The following MARCHF1 variants were observed in gnomAD, a reference collection of about 807,000 sequenced individuals.
MARCHF1 encodes the protein E3 ubiquitin-protein ligase MARCHF1.
MARCHF1 carries 40 observed loss-of-function variants against 54.2 expected under a neutral mutation model. That is an observed-to-expected ratio of 0.74 (90% CI 0.57 to 0.96). The LOEUF (loss-of-function observed/expected upper bound fraction) is 0.96, where lower values mean the gene tolerates loss of function less well. MARCHF1 is among the 40% of genes least tolerant of loss of function. MARCHF1 has a pLI of 0.00. For synonymous variants in MARCHF1, 236 were observed against 236.3 expected, an observed-to-expected ratio of 1.00 and a Z score of 0.01; for missense variants, 586 against 656.5, an observed-to-expected ratio of 0.89 and a Z score of 1.17.
intron 4 of MARCHF1, among the ~76,000 whole-genome samples, chr4:163,805,467 T>C (rs1353104177): frequency 2.0e-5 from 3 of 151,896 alleles, no homozygotes; most frequent in Non-Finnish European, 2.9e-5. Context: ...AAAACCAAAA[T>C]GGTAGCAAAG....
intron 2 of MARCHF1, among the ~76,000 whole-genome samples, chr4:164,036,859 A>G (rs1230320253): frequency 6.6e-6 from 1 of 152,194 alleles, no homozygotes; most frequent in Non-Finnish European, 1.5e-5. Context: ...TTTGAAAAAA[A>G]TGGGTATTAT....
intron 2 of MARCHF1, among the ~76,000 whole-genome samples, chr4:164,035,660 TAG>T (rs1368309454): frequency 7.0e-6 from 1 of 142,718 alleles, no homozygotes; most frequent in Non-Finnish European, 1.6e-5. Flanking sequence ...GAAACAAAAA[TAG>T]AAACATTCAC....
intron 1 of MARCHF1, among the ~76,000 whole-genome samples, chr4:164,307,588 A>T (rs993895741): frequency 1.3e-5 from 2 of 152,218 alleles, no homozygotes; most frequent in African/African-American, 4.8e-5. Flanking sequence ...ATTCAATGCC[A>T]TTTCATTTTT....
intron 8 of MARCHF1, among the ~76,000 whole-genome samples, chr4:163,548,993 C>T (rs111856175): frequency 2.6e-5 from 4 of 152,334 alleles, no homozygotes; most frequent in African/African-American, 9.6e-5. Flanking sequence ...CCCTGTCCTG[C>T]TTTACCAAAT....
chr4:164,325,982 T>C (rs554301032), intron 1 of MARCHF1, among the ~76,000 whole-genome samples: 1 of 152,322 alleles, frequency 6.6e-6, no homozygotes, highest in African/African-American at 2.4e-5. Context: ...TTCACTATTG[T>C]ACATTTTTAT....
intron 1 of MARCHF1, among the ~76,000 whole-genome samples, chr4:164,126,624 A>G (rs902849641): frequency 6.6e-6 from 1 of 152,188 alleles, no homozygotes; most frequent in African/African-American, 2.4e-5. Context: ...CTCTGAATAG[A>G]TTAAGGGTGA....
intron 1 of MARCHF1, among the ~76,000 whole-genome samples, chr4:164,168,985 G>T (rs898620166): frequency 2.0e-5 from 3 of 152,056 alleles, no homozygotes; most frequent in African/African-American, 7.2e-5. Flanking sequence ...AAAAGTAGCA[G>T]CTATGTAGGA....
chr4:163,764,920 T>C (rs1349459750), intron 4 of MARCHF1, among the ~76,000 whole-genome samples: 3 of 152,122 alleles, frequency 2.0e-5, no homozygotes, highest in Non-Finnish European at 4.4e-5. Context: ...TCAGAATTCA[T>C]ATGATATAAA....
chr4:164,063,816 C>CT lies in MARCHF1; in HGVS notation c.-248+47771dup, dbSNP rs796880155. ...TTTTCAAAACATGTAGAATAACTGT[C>CT]TTTTTTTTTTAAGTTTCTGTATGTG... On this transcript the variant is annotated intron_variant, in intron 2 of 9. Transcript: ENST00000514618. Among the ~76,000 whole-genome samples, 510 of 149,526 alleles carry CT rather than the reference C, an allele frequency of 3.4e-3. 3 individuals are homozygous for CT. The highest frequency in any genetic ancestry group is 0.011 in the African/African-American group (445 of 40,850).
At chr4:163,828,279 A>T (rs1305490409) in intron 4 of MARCHF1, among the ~76,000 whole-genome samples, 3 of 152,170 alleles carry the variant, frequency 2.0e-5, no homozygotes, top group Non-Finnish European at 2.9e-5. Flanking sequence ...CAACCTATAG[A>T]TGTGTGAAAT....
At chr4:164,280,199 T>G (rs1280483736) in intron 1 of MARCHF1, among the ~76,000 whole-genome samples, 1 of 151,852 alleles carries the variant, frequency 6.6e-6, no homozygotes, top group Non-Finnish European at 1.5e-5. Context: ...ATTGTCAACT[T>G]TAATTTATTA....
chr4:163,946,386 T>A (rs1230821521), intron 3 of MARCHF1, among the ~76,000 whole-genome samples: 2 of 152,116 alleles, frequency 1.3e-5, no homozygotes, highest in Non-Finnish European at 2.9e-5. Flanking sequence ...ATAGATCCCA[T>A]ACTATCATCT....
chr4:164,080,274 C>A (rs1755068274), intron 2 of MARCHF1, among the ~76,000 whole-genome samples: 1 of 152,200 alleles, frequency 6.6e-6, no homozygotes. Flanking sequence ...TGGCTGACTG[C>A]TGGCGAGACC....
intron 1 of MARCHF1, among the ~76,000 whole-genome samples, chr4:164,284,957 T>G (rs960157322): frequency 6.8e-6 from 1 of 146,604 alleles, no homozygotes. Context: ...TGGCTGATTT[T>G]GTTTTTCTTT....
Position 163,717,378 on chromosome 4 carries a change from T to C in MARCHF1, c.112-16515A>G, listed in dbSNP as rs902458985. 1.2e-4 allele frequency among the ~76,000 whole-genome samples: 19 copies of C among 152,052 alleles called. 1 individual carries two copies. The highest frequency in any genetic ancestry group is 1.5e-5 in the Non-Finnish European group (1 of 68,016). ...TCCAGGGTGTATATGTGCCACATTT[T>C]CTTAATCCAGTCTATCATTGTTGGA... is the stretch of plus-strand genomic sequence containing the variant. On this transcript the variant is annotated intron_variant, in intron 4 of 9. Coordinates refer to ENST00000514618, the MANE Select transcript of MARCHF1 (RefSeq NM_001394959.1).
chr4:164,009,431 T>C (rs1753370669), intron 2 of MARCHF1, among the ~76,000 whole-genome samples: 1 of 152,126 alleles, frequency 6.6e-6, no homozygotes, highest in Non-Finnish European at 1.5e-5. Context: ...GAAATACTTC[T>C]AAGCTCGTCT....
intron 1 of MARCHF1, among the ~76,000 whole-genome samples, chr4:164,273,098 G>A (rs1414597206): frequency 6.7e-6 from 1 of 149,912 alleles, no homozygotes; most frequent in East Asian, 1.9e-4. Context: ...AGGTGTATTT[G>A]TCTGTTTTCA....
chr4:163,660,832 C>T (rs1192731679), intron 5 of MARCHF1, among the ~76,000 whole-genome samples: 2 of 151,794 alleles, frequency 1.3e-5, no homozygotes, highest in African/African-American at 2.4e-5. Flanking sequence ...AATCCAAATT[C>T]AAAAAAATTC....
chr4:164,183,955 G>A (rs1730899322), intron 1 of MARCHF1, among the ~76,000 whole-genome samples: 1 of 152,212 alleles, frequency 6.6e-6, no homozygotes, highest in African/African-American at 2.4e-5. Flanking sequence ...GCAGAGGAAA[G>A]AGGCAAGAAG....
Sources: gnomAD v4.1 joint callset for allele counts (sites outside exome capture counted in the v4.1 genomes callset) on GRCh38, gnomAD v4.1.1 for gene constraint, MANE v1.5 for transcripts, NCBI Gene and HGNC (gene_info 2026-07-23, HGNC 2026-07-21) for gene names.